The following JAK2 variants were observed in gnomAD, a reference collection of about 807,000 sequenced individuals.
JAK2 encodes the protein Janus kinase 2.
JAK2 carries 86 observed loss-of-function variants against 139.3 expected under a neutral mutation model. That is an observed-to-expected ratio of 0.62 (90% CI 0.52 to 0.74). JAK2 has a LOEUF of 0.74. Ranked by LOEUF, JAK2 falls within the 30% of genes least tolerant of loss-of-function variation. JAK2 has a pLI of 0.00. For synonymous variants in JAK2, 490 were observed against 437.7 expected, an observed-to-expected ratio of 1.12 and a Z score of -1.49; for missense variants, 1,421 against 1,360.3, an observed-to-expected ratio of 1.04 and a Z score of -0.70.
chr9:5,052,047 G>A (rs1817451641), intron 6 of JAK2, among the ~76,000 whole-genome samples: 1 of 152,096 alleles, frequency 6.6e-6, no homozygotes. Flanking sequence ...AACATAGTTG[G>A]AGGAAGAGTA....
At chr9:5,112,290 T>G in intron 22 of JAK2, 1 of 263,310 alleles carries the variant, frequency 3.8e-6, no homozygotes, top group African/African-American at 2.3e-5. Context: ...CTCATGCACA[T>G]CCATGTTGCC....
chr9:5,081,394 A>C (rs1819693687), intron 18 of JAK2, among the ~76,000 whole-genome samples: 2 of 152,132 alleles, frequency 1.3e-5, no homozygotes, highest in Non-Finnish European at 2.9e-5. Context: ...TACTGAGCTG[A>C]AATGCATGTG....
chr9:5,074,246 TA>T (rs1819163272), intron 14 of JAK2, among the ~76,000 whole-genome samples: 1 of 152,154 alleles, frequency 6.6e-6, no homozygotes, highest in Admixed American at 6.5e-5. Flanking sequence ...CAGAAACTAC[TA>T]AAAGTATAAA....
chr9:5,076,996 G>C (rs947544172), intron 14 of JAK2, among the ~76,000 whole-genome samples: 5 of 151,878 alleles, frequency 3.3e-5, no homozygotes, highest in Non-Finnish European at 7.4e-5. Flanking sequence ...ATTTTTTGCA[G>C]AATTAAAAGA....
chr9:5,119,095 A>C (rs745850726), intron 22 of JAK2, among the ~76,000 whole-genome samples: 2 of 152,194 alleles, frequency 1.3e-5, no homozygotes, highest in Non-Finnish European at 2.9e-5. Flanking sequence ...TATGATTTAA[A>C]CACAGCAAAC....
At chr9:5,020,126 TAGG>T (rs1428710709) in intron 2 of JAK2, among the ~76,000 whole-genome samples, 1 of 152,098 alleles carries the variant, frequency 6.6e-6, no homozygotes, top group Non-Finnish European at 1.5e-5. Flanking sequence ...GTAGCAGTGG[TAGG>T]AGAACCTCTG....
intron 11 of JAK2, 87 bp downstream of exon 11, chr9:5,069,295 G>T: frequency 1.2e-6 from 1 of 817,750 alleles, no homozygotes. Context: ...GATTTCAAAG[G>T]ATATATGAAA....
rs147993436 is a variant in JAK2, at chr9:5,073,274, C to T, written c.1777-424C>T. On this transcript the variant is annotated intron_variant, in intron 13 of 24. Coordinates refer to ENST00000381652, the MANE Select transcript of JAK2 (RefSeq NM_004972.4). ...AGTGATGTTAAAACTATGCTAGTAT[C>T]CTGACACAGATGTCGTGATATTTTA... Among the ~76,000 whole-genome samples the T allele has an allele frequency of 4.6e-3, 706 of 152,296 alleles. 6 individuals carry two copies. Among genetic ancestry groups the T allele is most frequent in the African/African-American group, 0.016 (670 of 41,556 alleles).
chr9:5,107,173 A>G (rs894102982), intron 22 of JAK2, among the ~76,000 whole-genome samples: 20 of 152,146 alleles, frequency 1.3e-4, no homozygotes, highest in Admixed American at 1.2e-3. Flanking sequence ...TAGTATAAAG[A>G]GTACCATTGA....
At chr9:5,073,904 T>C in intron 14 of JAK2, 119 bp downstream of exon 14, 1 of 659,218 alleles carries the variant, frequency 1.5e-6, no homozygotes, top group Non-Finnish European at 2.6e-6. Flanking sequence ...TAACAGGAGT[T>C]AAGTATTTTT....
At chr9:5,122,202 A>G (rs954409710) in intron 22 of JAK2, among the ~76,000 whole-genome samples, 2 of 152,136 alleles carry the variant, frequency 1.3e-5, no homozygotes, top group Non-Finnish European at 2.9e-5. Context: ...TCTAAAACAC[A>G]TCTCTGTAGC....
At chr9:5,090,186 G>T (rs1296080256) in intron 20 of JAK2, among the ~76,000 whole-genome samples, 1 of 152,158 alleles carries the variant, frequency 6.6e-6, no homozygotes, top group African/African-American at 2.4e-5. Flanking sequence ...GAGAAAGGAA[G>T]TTTTCTCATC....
chr9:5,102,222 G>C (rs540671354), intron 22 of JAK2, among the ~76,000 whole-genome samples: 2 of 152,184 alleles, frequency 1.3e-5, no homozygotes, highest in Non-Finnish European at 2.9e-5. Context: ...GAAAACCATG[G>C]CATGAGAACT....
chr9:5,048,595 C>T (rs117955585), intron 5 of JAK2, among the ~76,000 whole-genome samples: 2,819 of 151,834 alleles, frequency 0.019, 27 homozygotes, highest in Middle Eastern at 0.034. Context: ...GTCTCCTACC[C>T]TGAATTAATT....
chr9:5,035,586 A>T (rs11506661), intron 4 of JAK2, among the ~76,000 whole-genome samples: 38,088 of 152,190 alleles, frequency 0.25, 5,039 homozygotes, highest in South Asian at 0.31. Context: ...AACATATGCA[A>T]ATCAATAAAC....
In JAK2 at chr9:5,054,862, A is replaced by G; in HGVS notation, c.914A>G (p.Glu305Gly). 6.2e-7 allele frequency: 1 copy of G among 1,605,276 alleles called. No homozygotes were observed. Among genetic ancestry groups the G allele is most frequent in the Non-Finnish European group, 8.5e-7 (1 of 1,175,802 alleles). The change falls in exon 7 of 25, where the codon GAA (glutamate) becomes GGA (glycine). Residue 305 changes from glutamate (E) to glycine (G), a missense_variant. Coordinates refer to ENST00000381652, the MANE Select transcript of JAK2 (RefSeq NM_004972.4). The surrounding 1 kb of genome is among the most constrained non-coding windows in gnomAD (Gnocchi z 4.9). ...CAGTGGTCAAGAGGGAAACATAAAG[A>G]AAGTGAGACACTGACAGAACAGGTA... ...GIQWSRGKHK[E>G]SETLTEQDLQ...
chr9:5,092,440 C>T (rs1820657944), intron 22 of JAK2, among the ~76,000 whole-genome samples: 2 of 152,160 alleles, frequency 1.3e-5, no homozygotes, highest in Admixed American at 1.3e-4. Flanking sequence ...ATCCAGCTTA[C>T]ACCCGGAAGA....
chr9:5,051,525 C>T (rs1375472721), intron 6 of JAK2, among the ~76,000 whole-genome samples: 2 of 152,258 alleles, frequency 1.3e-5, no homozygotes, highest in African/African-American at 4.8e-5. Flanking sequence ...TGAATTTTTA[C>T]AGATGCTCTA....
Position 5,026,918 on chromosome 9 carries a change from A to C in JAK2, c.227-2865A>C, listed in dbSNP as rs553150846. On this transcript the variant is annotated intron_variant, in intron 3 of 24. Coordinates refer to ENST00000381652, the MANE Select transcript of JAK2 (RefSeq NM_004972.4). ...TATTTAAAATTTTTCATTGTAAATT[A>C]AAATAGCCCAAAGGACATAATTATT... 1.1e-4 allele frequency among the ~76,000 whole-genome samples: 16 copies of C among 152,372 alleles called. No homozygotes were observed. The East Asian group carries it at 3.1e-3, about 29-fold the overall frequency.
Sources: gnomAD v4.1 joint callset for allele counts (sites outside exome capture counted in the v4.1 genomes callset) on GRCh38, gnomAD v4.1.1 for gene constraint, Gnocchi (gnomAD v3.1) non-coding constraint, MANE v1.5 for transcripts, NCBI Gene and HGNC (gene_info 2026-07-23, HGNC 2026-07-21) for gene names.